The following LDB2 variants were observed in gnomAD, a reference collection of about 807,000 sequenced individuals.
LDB2 encodes LIM domain binding 2.
Under a neutral mutation model 44.3 loss-of-function variants are expected in LDB2, and 12 were observed. That is an observed-to-expected ratio of 0.27 (90% CI 0.17 to 0.44). LDB2 has a LOEUF of 0.44. Ranked by LOEUF, LDB2 falls within the 20% of genes least tolerant of loss-of-function variation. LDB2 has a pLI of 1.00. For missense variants in LDB2, 344 were observed against 473.5 expected, an observed-to-expected ratio of 0.73 and a Z score of 2.54; for synonymous variants, 164 against 174.8, an observed-to-expected ratio of 0.94 and a Z score of 0.49.
intron 2 of LDB2, among the ~76,000 whole-genome samples, chr4:16,699,325 T>A (rs1375795920): frequency 6.6e-6 from 1 of 152,256 alleles, no homozygotes; most frequent in African/African-American, 2.4e-5. Flanking sequence ...ACCAACGCTA[T>A]GTGATAAGGA....
At chr4:16,776,675 C>T (rs1013818476) in intron 1 of LDB2, among the ~76,000 whole-genome samples, 7 of 152,082 alleles carry the variant, frequency 4.6e-5, no homozygotes, top group African/African-American at 9.7e-5. Flanking sequence ...TGTATACTAG[C>T]GGATGACAAA....
chr4:16,817,267 TAG>T (rs765221223), intron 1 of LDB2, among the ~76,000 whole-genome samples: 5 of 152,366 alleles, frequency 3.3e-5, no homozygotes, highest in Admixed American at 1.3e-4. Context: ...TCTCTCCTGA[TAG>T]AGAGATATAA....
rs1024727718 is a variant in LDB2 at position 16,674,619 on chromosome 4, T to C, written c.236-78744A>G. 2.6e-5 allele frequency among the ~76,000 whole-genome samples: 4 copies of C among 152,220 alleles called. 1 individual carries two copies. The highest frequency in any genetic ancestry group is 2.0e-4 in the Admixed American group (3 of 15,280). On this transcript the variant is annotated intron_variant, in intron 2 of 7. Transcript: ENST00000304523. ...CTCAGAGAAGACAGCTAAGGACAAC[T>C]GGTAAGCCAGGATTCAAACACTGGT...
intron 5 of LDB2, among the ~76,000 whole-genome samples, chr4:16,570,500 A>AAAAAAAAAAAAC (rs1746113264): frequency 6.9e-6 from 1 of 144,882 alleles, no homozygotes; most frequent in Non-Finnish European, 1.5e-5. Flanking sequence ...AAAAAAAAAA[A>AAAAAAAAAAAAC]AAAAGTTTAC....
chr4:16,779,390 G>A (rs1029705768), intron 1 of LDB2, among the ~76,000 whole-genome samples: 2 of 152,150 alleles, frequency 1.3e-5, no homozygotes, highest in African/African-American at 4.8e-5. Flanking sequence ...AAGCATGCAT[G>A]GCCTGGGTCT....
intron 5 of LDB2, among the ~76,000 whole-genome samples, chr4:16,568,251 G>C (rs1278962677): frequency 1.3e-5 from 2 of 152,182 alleles, no homozygotes; most frequent in Non-Finnish European, 1.5e-5. Flanking sequence ...TAAGGAATCA[G>C]AGAATTAATT....
At chr4:16,604,762 G>A (rs1339569629) in intron 2 of LDB2, among the ~76,000 whole-genome samples, 1 of 151,982 alleles carries the variant, frequency 6.6e-6, no homozygotes, top group Non-Finnish European at 1.5e-5. Flanking sequence ...TAATTTGACT[G>A]TATGCCTTTT....
intron 1 of LDB2, among the ~76,000 whole-genome samples, chr4:16,854,563 T>C (rs1367415552): frequency 1.3e-5 from 2 of 151,342 alleles, no homozygotes; most frequent in Non-Finnish European, 3.0e-5. Context: ...ATGTATTGTT[T>C]ATTGTTAAAA....
At chr4:16,770,077 C>T (rs573460648) in intron 1 of LDB2, among the ~76,000 whole-genome samples, 142 of 152,176 alleles carry the variant, frequency 9.3e-4, no homozygotes, top group Non-Finnish European at 1.6e-3. Flanking sequence ...TAACTAAAAG[C>T]AATGACTCAA....
At chr4:16,740,358 A>G (rs1397986618) in intron 2 of LDB2, among the ~76,000 whole-genome samples, 2 of 152,240 alleles carry the variant, frequency 1.3e-5, no homozygotes, top group Non-Finnish European at 2.9e-5. Flanking sequence ...AACAGGCCAC[A>G]TGCGAGCCTT....
At chr4:16,560,444 C>A (rs1230081170) in intron 5 of LDB2, among the ~76,000 whole-genome samples, 1 of 152,072 alleles carries the variant, frequency 6.6e-6, no homozygotes, top group Admixed American at 6.6e-5. Flanking sequence ...AACACCTCTA[C>A]GCAAATAAAC....
At chr4:16,696,004 T>C (rs1349217620) in intron 2 of LDB2, among the ~76,000 whole-genome samples, 1 of 152,158 alleles carries the variant, frequency 6.6e-6, no homozygotes, top group African/African-American at 2.4e-5. Context: ...ATTGCATTGC[T>C]CTGAAGAAGC....
chr4:16,614,172 A>T (rs1239365117), intron 2 of LDB2, among the ~76,000 whole-genome samples: 1 of 152,218 alleles, frequency 6.6e-6, no homozygotes, highest in East Asian at 1.9e-4. Flanking sequence ...TGGGGAAAGG[A>T]TATCCTATTC....
intron 1 of LDB2, among the ~76,000 whole-genome samples, chr4:16,817,582 T>G (rs1361396462): frequency 6.6e-6 from 1 of 152,234 alleles, no homozygotes; most frequent in Non-Finnish European, 1.5e-5. Context: ...CTCTGAGCTG[T>G]AATCTAAGTC....
At chr4:16,597,610 C>T (rs573838116) in intron 2 of LDB2, among the ~76,000 whole-genome samples, 3 of 152,214 alleles carry the variant, frequency 2.0e-5, no homozygotes, top group African/African-American at 7.2e-5. Context: ...GGGATTCATA[C>T]CGTTGAGAAT....
At chr4:16,524,259 C>G (rs1727382318) in intron 5 of LDB2, among the ~76,000 whole-genome samples, 2 of 152,100 alleles carry the variant, frequency 1.3e-5, no homozygotes, top group South Asian at 4.1e-4. Context: ...AGTTGCAGCT[C>G]CCTCCCCTGA....
At chr4:16,730,310 G>A (rs921164204) in intron 2 of LDB2, among the ~76,000 whole-genome samples, 5 of 151,960 alleles carry the variant, frequency 3.3e-5, no homozygotes, top group South Asian at 2.1e-4. Flanking sequence ...TTTGCTTCAC[G>A]GTCATTATCA....
chr4:16,886,828 C>A (rs927737539), intron 1 of LDB2, among the ~76,000 whole-genome samples: 11 of 151,680 alleles, frequency 7.3e-5, no homozygotes, highest in Admixed American at 7.2e-4. Context: ...GTCAGGAGAT[C>A]AAGACCATCC....
chr4:16,713,728 A>G (rs1756434667), intron 2 of LDB2, among the ~76,000 whole-genome samples: 1 of 152,208 alleles, frequency 6.6e-6, no homozygotes, highest in South Asian at 2.1e-4. Flanking sequence ...GTGGGACAAG[A>G]GGAGGGATGG....
Sources: allele counts gnomAD v4.1 joint callset (sites outside exome capture counted in the v4.1 genomes callset), GRCh38; gene constraint gnomAD v4.1.1; transcripts MANE v1.5; gene names NCBI Gene and HGNC (gene_info 2026-07-23, HGNC 2026-07-21).